Variants in EYS observed in about 807,000 individuals in gnomAD.
EYS encodes the protein EGF-like photoreceptor maintenance factor.
Under a neutral mutation model 282.1 loss-of-function variants are expected in EYS, and 250 were observed. The ratio of observed to expected loss-of-function variants is 0.89; its 90% confidence interval spans 0.80 to 0.98. EYS has a LOEUF of 0.98. EYS is among the 50% of genes least tolerant of loss of function. The pLI is 0.00. For missense variants in EYS, 4,016 were observed against 3,709.0 expected (o/e 1.08, Z -2.15); for synonymous variants, 1,355 against 1,282.9 (o/e 1.06, Z -1.20).
At chr6:64,617,285 G>A (rs1767304357) in intron 24 of EYS, 133 bp downstream of exon 24, 2 of 651,152 alleles carry the variant, frequency 3.1e-6, no homozygotes, top group Admixed American at 2.5e-5. Flanking sequence ...AAAGTGTAGC[G>A]TGCACAGAGA....
At chr6:65,137,080 A>G (rs2150206160) in intron 12 of EYS, among the ~76,000 whole-genome samples, 1 of 152,208 alleles carries the variant, frequency 6.6e-6, no homozygotes, top group East Asian at 1.9e-4. Context: ...ACACAATCAA[A>G]TGTCTTCTGA....
intron 12 of EYS, among the ~76,000 whole-genome samples, chr6:65,260,956 T>C (rs760636638): frequency 1.6e-4 from 25 of 152,252 alleles, no homozygotes; most frequent in Middle Eastern, 3.4e-3. Flanking sequence ...CTATTTACTA[T>C]TTTCTTGTCT....
intron 30 of EYS, among the ~76,000 whole-genome samples, chr6:64,236,752 GT>G (rs1393011757): frequency 6.9e-6 from 1 of 144,296 alleles, no homozygotes; most frequent in Non-Finnish European, 1.5e-5. Flanking sequence ...TTTCTTTCAG[GT>G]TTTTTTAATT....
At chr6:65,537,808 A>C (rs1768017763) in intron 2 of EYS, among the ~76,000 whole-genome samples, 1 of 152,200 alleles carries the variant, frequency 6.6e-6, no homozygotes, top group South Asian at 2.1e-4. Flanking sequence ...GAAACAGAAG[A>C]TGAATAATGG....
chr6:63,865,430 C>T, intron 35 of EYS, among the ~76,000 whole-genome samples: 1 of 151,640 alleles, frequency 6.6e-6, no homozygotes, highest in East Asian at 1.9e-4. Flanking sequence ...GGGATTTTGT[C>T]ACTTGAAGTT....
chr6:65,174,575 T>C (rs1765182597), intron 12 of EYS, among the ~76,000 whole-genome samples: 1 of 151,306 alleles, frequency 6.6e-6, no homozygotes, highest in South Asian at 2.1e-4. Context: ...TTGTGAATAA[T>C]ACCAAGAACA....
chr6:65,008,322 A>C (rs185425488), intron 13 of EYS, among the ~76,000 whole-genome samples: 43 of 152,254 alleles, frequency 2.8e-4, no homozygotes, highest in Admixed American at 9.1e-4. Flanking sequence ...TTTATCACTC[A>C]ATCAGCTGCA....
intron 15 of EYS, among the ~76,000 whole-genome samples, chr6:64,939,509 T>C (rs548896239): frequency 1.3e-5 from 2 of 152,086 alleles, no homozygotes; most frequent in Admixed American, 6.6e-5. Context: ...TTATTTTGTT[T>C]TCAATTTTTA....
intron 12 of EYS, among the ~76,000 whole-genome samples, chr6:65,223,910 C>G (rs1766544717): frequency 6.6e-6 from 1 of 152,140 alleles, no homozygotes; most frequent in Non-Finnish European, 1.5e-5. Flanking sequence ...ACAATGGATA[C>G]TAGGCTCTGA....
Position 64,938,902 on chromosome 6 carries a change from TG to T in EYS, c.2381+6890del, listed in dbSNP as rs531430966. On this transcript the variant is annotated intron_variant, in intron 15 of 42. Transcript: ENST00000503581. ...CTATCTTTGATTTTCAGACATCCAC[TG>T]GGGGTCTTGGAACATATCTCCCTTG... 3.8e-4 allele frequency among the ~76,000 whole-genome samples: 58 copies of T among 151,844 alleles called. No homozygotes were observed. In the South Asian group the frequency reaches 5.2e-3, roughly 14 times the overall value.
chr6:64,849,865 A>T (rs1435896289), intron 19 of EYS, among the ~76,000 whole-genome samples: 1 of 150,122 alleles, frequency 6.7e-6, no homozygotes, highest in East Asian at 1.9e-4. Flanking sequence ...ATTTTCTACT[A>T]AAAAAAGAAA....
At chr6:65,423,074 A>C (rs1390569883) in intron 5 of EYS, among the ~76,000 whole-genome samples, 1 of 151,884 alleles carries the variant, frequency 6.6e-6, no homozygotes, top group Admixed American at 6.6e-5. Context: ...ATAAATAGAA[A>C]AAGGATAAAG....
chr6:65,514,211 A>G (rs1767027295), intron 2 of EYS, among the ~76,000 whole-genome samples: 1 of 152,058 alleles, frequency 6.6e-6, no homozygotes, highest in Admixed American at 6.6e-5. Context: ...AGAATAAAAT[A>G]CCTAGGAATC....
chr6:63,923,450 T>C (rs1019294943), intron 35 of EYS, among the ~76,000 whole-genome samples: 10 of 152,218 alleles, frequency 6.6e-5, no homozygotes, highest in Non-Finnish European at 2.9e-5. Flanking sequence ...TTATATTTCT[T>C]TTTTAAAGAT....
At chr6:64,616,617 G>T (rs1203949586) in intron 24 of EYS, among the ~76,000 whole-genome samples, 1 of 151,838 alleles carries the variant, frequency 6.6e-6, no homozygotes, top group African/African-American at 2.4e-5. Context: ...TTTCCTTTCT[G>T]ATCTTTCACT....
In EYS at chr6:65,033,086, T is replaced by C. The variant is rs75403536; in HGVS notation, c.2137+24528A>G. Among the ~76,000 whole-genome samples, 195 of 152,272 alleles carry C rather than the reference T, an allele frequency of 1.3e-3. 2 individuals are homozygous for C. Among genetic ancestry groups the C allele is most frequent in the African/African-American group, 4.5e-3 (185 of 41,568 alleles). On this transcript the variant is annotated intron_variant, in intron 13 of 42. Coordinates refer to ENST00000503581, the MANE Select transcript of EYS (RefSeq NM_001142800.2). ...TGTGGAGGTATGAAATCAAGAGTGA[T>C]AATTTAGAATACCTGGCAGAGGAAA...
chr6:64,711,173 C>T (rs777207480), intron 22 of EYS, among the ~76,000 whole-genome samples: 4 of 152,028 alleles, frequency 2.6e-5, no homozygotes, highest in Non-Finnish European at 5.9e-5. Context: ...ATTGATTGCA[C>T]CAATATTTGA....
At chr6:65,487,808 C>CT (rs201907082) in intron 5 of EYS, among the ~76,000 whole-genome samples, 18,221 of 151,962 alleles carry the variant, frequency 0.12, 1,234 homozygotes, top group South Asian at 0.22. Flanking sequence ...GGGACCTGGA[C>CT]TTTTTTTGGC....
chr6:64,268,120 C>T (rs1479262836), intron 30 of EYS, among the ~76,000 whole-genome samples: 2 of 151,832 alleles, frequency 1.3e-5, no homozygotes, highest in Non-Finnish European at 2.9e-5. Flanking sequence ...CCAACAAATC[C>T]ATCATCATAG....
Sources: allele counts gnomAD v4.1 joint callset (sites outside exome capture counted in the v4.1 genomes callset), GRCh38; gene constraint gnomAD v4.1.1; transcripts MANE v1.5; gene names NCBI Gene and HGNC (gene_info 2026-07-23, HGNC 2026-07-21).